Variants in PTPRB observed in about 807,000 individuals in gnomAD.
PTPRB encodes the protein protein tyrosine phosphatase receptor type B, also known as receptor-type tyrosine-protein phosphatase beta.
Under a neutral mutation model 238.1 loss-of-function variants are expected in PTPRB, and 97 were observed. That is an observed-to-expected ratio of 0.41 (90% confidence interval 0.35 to 0.48). The LOEUF is 0.48. Among genes scored for constraint, PTPRB ranks in the 20% least tolerant of loss-of-function variants. The probability of loss-of-function intolerance (pLI) is 0.30; values close to 1 mark genes in which losing one functional copy is unlikely to be tolerated. For missense variants in PTPRB, 2,292 were observed against 2,681.9 expected, an observed-to-expected ratio of 0.85 and a Z score of 3.21; for synonymous variants, 970 against 995.4, an observed-to-expected ratio of 0.97 and a Z score of 0.48.
chr12:70,542,529 G>A (rs1454571420), intron 22 of PTPRB: 2 of 151,260 alleles, frequency 1.3e-5, no homozygotes, highest in Non-Finnish European at 2.9e-5. Context: ...ATTGAGCCAA[G>A]GTGGCATCAC....
chr12:70,548,342 TCTCTCACACACACACACA>T (rs1160804844), intron 21 of PTPRB, among the ~76,000 whole-genome samples: 3 of 58,438 alleles, frequency 5.1e-5, no homozygotes, highest in African/African-American at 2.1e-4. Context: ...TCTCTCTCTC[TCTCTCACACACACACACA>T]CACACACACA....
intron 3 of PTPRB, among the ~76,000 whole-genome samples, chr12:70,619,665 C>T (rs944496411): frequency 1.3e-5 from 2 of 152,178 alleles, no homozygotes; most frequent in Non-Finnish European, 2.9e-5. Flanking sequence ...CCCCAGCCTA[C>T]ACCCAGCACT....
rs373818495 is a variant in PTPRB at position 70,544,519 on chromosome 12, T to C, written c.5494+38A>G. 3.6e-6 allele frequency: 5 copies of C among 1,378,114 alleles called. No homozygotes were observed. In the African/African-American group the frequency reaches 7.1e-5, roughly 20 times the overall value. The allele number at this position is 1,378,114 out of a possible 1,614,324, so 85.4% of individuals were successfully genotyped here. On this transcript the variant is annotated intron_variant, in intron 22 of 33. Coordinates refer to ENST00000334414, the MANE Select transcript of PTPRB (RefSeq NM_001109754.4). ...CCATTAGAGGCTCTTGTAGGTGACA[T>C]GGCAGTTGGTAGAACATGATGTAAA...
chr12:70,555,120 A>T (rs760803824), intron 20 of PTPRB, 40 bp downstream of exon 20: 2 of 1,593,090 alleles, frequency 1.3e-6, no homozygotes, highest in African/African-American at 2.7e-5. Flanking sequence ...TGAGGAAGCA[A>T]TTCTGTGTCT....
intron 21 of PTPRB, among the ~76,000 whole-genome samples, chr12:70,548,836 A>G (rs1876472285): frequency 6.6e-6 from 1 of 152,170 alleles, no homozygotes. Context: ...CAATTTGTGT[A>G]TTTAAACCTC....
chr12:70,544,514 T>TG, intron 22 of PTPRB, 43 bp downstream of exon 22: 1 of 1,335,274 alleles, frequency 7.5e-7, no homozygotes, highest in South Asian at 1.2e-5. Context: ...CTCTTGTAGG[T>TG]GACATGGCAG....
chr12:70,526,053 C>T (rs1323437423), intron 32 of PTPRB, among the ~76,000 whole-genome samples: 3 of 152,140 alleles, frequency 2.0e-5, no homozygotes, highest in Non-Finnish European at 2.9e-5. Context: ...GCTCTTTCCT[C>T]ACTAACAATC....
At chr12:70,525,358 A>G (rs540007716) in intron 32 of PTPRB, 4 of 152,246 alleles carry the variant, frequency 2.6e-5, no homozygotes, top group African/African-American at 9.6e-5. Context: ...CCTTTATTCT[A>G]GGAAGATAGT....
intron 3 of PTPRB, among the ~76,000 whole-genome samples, chr12:70,615,400 T>C (rs1884633704): frequency 6.6e-6 from 1 of 152,176 alleles, no homozygotes; most frequent in South Asian, 2.1e-4. Flanking sequence ...GTTACGTCTC[T>C]AACAGCAGGC....
At position 70,534,836 on chromosome 12, in the gene PTPRB, G is replaced by A. The variant is rs3752703; in HGVS notation, c.6201C>T (p.Cys2067=). 520,523 of 1,612,928 alleles carry A rather than the reference G, an allele frequency of 0.32. 85,872 individuals carry two copies. The highest frequency in any genetic ancestry group is 0.51 in the East Asian group (22,773 of 44,844). ...PEWTIREFKI[C]GEEQLDAHRL... is the part of the protein sequence containing the mutation. The stretch of plus-strand genomic sequence containing the variant: ...TAAGTCAAGCAAGCTAACATACACC[G>A]CATATCTTAAACTCCCGGATGGTCC... Residue 2067 remains cysteine (C), a synonymous_variant, in exon 30 of 34, where the codon TGC becomes TGT. Transcript: ENST00000334414.
intron 10 of PTPRB, 39 bp from the exon 11 acceptor site, chr12:70,576,684 A>AGGGGGG (rs1313001377): frequency 1.3e-3 from 38 of 29,856 alleles, no homozygotes; most frequent in African/African-American, 1.8e-3. Flanking sequence ...GGGGGGGGGA[A>AGGGGGG]GGGGGATTCA....
intron 4 of PTPRB, among the ~76,000 whole-genome samples, chr12:70,605,631 A>G (rs887045934): frequency 6.6e-6 from 1 of 152,210 alleles, no homozygotes; most frequent in Non-Finnish European, 1.5e-5. Flanking sequence ...GTTGGTATCT[A>G]AAAGGAGAAG....
At chr12:70,555,831 G>A (rs879422476) in intron 19 of PTPRB, 39 bp downstream of exon 19, 2 of 1,602,592 alleles carry the variant, frequency 1.2e-6, no homozygotes, top group Non-Finnish European at 1.7e-6. Context: ...CTTCACTCCA[G>A]TGACAGGAGG....
intron 5 of PTPRB, among the ~76,000 whole-genome samples, chr12:70,595,359 T>A (rs920518940): frequency 6.6e-6 from 1 of 152,144 alleles, no homozygotes; most frequent in African/African-American, 2.4e-5. Flanking sequence ...GATGATGGGT[T>A]GATGGGTGCA....
At chr12:70,594,403 T>G in intron 6 of PTPRB, 64 bp downstream of exon 6, 1 of 1,578,624 alleles carries the variant, frequency 6.3e-7, no homozygotes, top group Non-Finnish European at 8.6e-7. Flanking sequence ...TATAATAAAC[T>G]TGACTTATTA....
chr12:70,625,961 C>T (rs1003499645), intron 2 of PTPRB, among the ~76,000 whole-genome samples: 2 of 152,124 alleles, frequency 1.3e-5, no homozygotes, highest in Non-Finnish European at 2.9e-5. Flanking sequence ...TCAAGACTAT[C>T]TTTCAAATTC....
Position 70,596,285 on chromosome 12 carries a change from GTCT to G in PTPRB, c.1019_1021del (p.Lys340del), listed in dbSNP as rs1883009125. The G allele has an allele frequency of 6.2e-7, 1 of 1,607,710 alleles. No individual in the cohort carries two copies. The highest frequency in any genetic ancestry group is 1.4e-5 in the African/African-American group (1 of 73,930). On this transcript the variant is annotated inframe_deletion, in exon 5 of 34. Coordinates refer to ENST00000334414, the MANE Select transcript of PTPRB (RefSeq NM_001109754.4). ...CCAAACATGCAAGCTGGTTGAAGTC[GTCT>G]TCTCTTTACTGACTCCAAACCTAGC...
In PTPRB at chr12:70,559,496, G is replaced by C. The variant is rs1362296602; in HGVS notation, c.4561C>G (p.Leu1521Val). ...FELQWLPRDA[L>V]TVFNPYNNRK... ...TTGTTGTAGGGGTTGAAGACAGTAAGTGCATCTCTGGGCAACCACTGCAGC... is the reference window on the plus strand; with the variant it reads ...TTGTTGTAGGGGTTGAAGACAGTAACTGCATCTCTGGGCAACCACTGCAGC... The change falls in exon 18 of 34, where the codon CTT becomes GTT. Residue 1521 changes from leucine (L) to valine (V), a missense_variant. Physicochemically the swap from Leu to Val is conservative, Grantham distance 32. Around this residue, in one of 4 missense-constraint regions of PTPRB, gnomAD observed 683 missense variants for 862.0 expected, o/e 0.79. Transcript: ENST00000334414. The C allele has an allele frequency of 6.2e-7, 1 of 1,613,886 alleles. No individual in the cohort carries two copies. The highest frequency in any genetic ancestry group is 1.3e-5 in the African/African-American group (1 of 74,924).
intron 14 of PTPRB, among the ~76,000 whole-genome samples, chr12:70,569,128 G>T (rs55901945): frequency 1.3e-5 from 2 of 151,782 alleles, no homozygotes; most frequent in Admixed American, 6.6e-5. Flanking sequence ...TTGGGACAGG[G>T]TCTCACTCCG....
Sources: gnomAD v4.1 joint callset for allele counts (sites outside exome capture counted in the v4.1 genomes callset) on GRCh38, gnomAD v4.1.1 for gene constraint, gnomAD v4.1.1 regional missense constraint, MANE v1.5 for transcripts, NCBI Gene and HGNC (gene_info 2026-07-23, HGNC 2026-07-21) for gene names.